Variants in TMCO6 observed in about 807,000 individuals in gnomAD.
TMCO6 encodes the protein transmembrane and coiled-coil domains 6.
In TMCO6, 47 loss-of-function variants were observed where a neutral mutation model predicts 61.8. That is an observed-to-expected ratio of 0.76 (90% CI 0.60 to 0.97). The LOEUF is 0.97. TMCO6 is among the 50% of genes least tolerant of loss of function. The probability of loss-of-function intolerance (pLI) is 0.00; values close to 1 mark genes in which losing one functional copy is unlikely to be tolerated. For missense variants in TMCO6, 557 were observed against 601.6 expected, an observed-to-expected ratio of 0.93 and a Z score of 0.78; for synonymous variants, 261 against 254.2, an observed-to-expected ratio of 1.03 and a Z score of -0.25.
rs1372872015 is a variant in TMCO6 at position 140,643,950 on chromosome 5, C to A, written c.1089C>A (p.Leu363=). 1.2e-6 allele frequency: 2 copies of A among 1,613,990 alleles called. No individual in the cohort carries two copies. The change falls in exon 9 of 12, where the codon CTC becomes CTA. Residue 363 remains leucine (L), a synonymous_variant. Coordinates refer to ENST00000394671, the MANE Select transcript of TMCO6 (RefSeq NM_018502.5). Reference sequence around the variant, plus strand: ...GTCTGCTCCCTGAGGGCCTTTGGCTCCTCAACAACCTCACTGGTACGCACC... The same window carrying A: ...GTCTGCTCCCTGAGGGCCTTTGGCTACTCAACAACCTCACTGGTACGCACC... ...QPSLLPEGLW[L]LNNLTANSPS...
the TMCO6 span, among the ~76,000 whole-genome samples, chr5:140,623,238 A>G: frequency 6.6e-6 from 1 of 152,144 alleles, no homozygotes; most frequent in East Asian, 1.9e-4. Context: ...CATTGTGAAG[A>G]CCCTGTTTCC....
intron 10 of TMCO6, 60 bp downstream of exon 10, chr5:140,644,254 C>A: frequency 6.4e-7 from 1 of 1,552,596 alleles, no homozygotes; most frequent in Non-Finnish European, 8.9e-7. Flanking sequence ...GGACAGCAGT[C>A]CTGAGCCCTC....
the TMCO6 span, among the ~76,000 whole-genome samples, chr5:140,631,131 G>C: frequency 2.0e-5 from 3 of 152,216 alleles, no homozygotes; most frequent in South Asian, 6.2e-4. Flanking sequence ...CTAATTCAGA[G>C]ACCGACTGTA....
the TMCO6 span, among the ~76,000 whole-genome samples, chr5:140,618,946 G>A: frequency 2.7e-3 from 417 of 152,212 alleles, 1 homozygote; most frequent in Middle Eastern, 0.014. Context: ...ACCAAAGGCA[G>A]AGTTCATAAA....
chr5:140,605,220 T>C, the TMCO6 span, among the ~76,000 whole-genome samples: 1 of 152,360 alleles, frequency 6.6e-6, no homozygotes, highest in Non-Finnish European at 1.5e-5. Context: ...TTATCCCCAA[T>C]AGTTTTTTTG....
At chr5:140,640,858 T>C (rs1047516893) in intron 2 of TMCO6, among the ~76,000 whole-genome samples, 5 of 152,248 alleles carry the variant, frequency 3.3e-5, no homozygotes, top group East Asian at 1.9e-4. Context: ...TCAGTGTTTA[T>C]TGAATGAGTG....
At chr5:140,629,914 C>T in the TMCO6 span, among the ~76,000 whole-genome samples, 1 of 122,322 alleles carries the variant, frequency 8.2e-6, no homozygotes, top group Non-Finnish European at 1.7e-5. Context: ...GCCTGGGCAA[C>T]AAGAGTGAAA....
At chr5:140,632,834 C>G in the TMCO6 span, 23 of 1,613,962 alleles carry the variant, frequency 1.4e-5, no homozygotes, top group South Asian at 2.2e-4. This position sits in a 1 kb window ranked among gnomAD's most constrained non-coding sequence, Gnocchi z 6.2. Context: ...CAGACACACA[C>G]TGGAAGGCTT....
upstream of TMCO6, among the ~76,000 whole-genome samples, chr5:140,636,194 C>T (rs184255061): frequency 1.3e-5 from 2 of 152,278 alleles, no homozygotes; most frequent in East Asian, 1.9e-4. Context: ...GACGGGGTTT[C>T]ACCATGTTGG....
At chr5:140,634,634 C>A (rs1756723033), upstream of TMCO6, among the ~76,000 whole-genome samples, 3 of 151,472 alleles carry the variant, frequency 2.0e-5, no homozygotes, top group South Asian at 6.3e-4. Context: ...TACAGGAGCC[C>A]ACCACCATGC....
chr5:140,600,166 TTA>T, the TMCO6 span, among the ~76,000 whole-genome samples: 2 of 152,162 alleles, frequency 1.3e-5, no homozygotes, highest in African/African-American at 4.8e-5. Context: ...TAAGATTATT[TTA>T]TATCTTTCAG....
At chr5:140,604,889 G>T in the TMCO6 span, among the ~76,000 whole-genome samples, 15 of 151,412 alleles carry the variant, frequency 9.9e-5, no homozygotes, top group Non-Finnish European at 1.8e-4. Context: ...AAATCAGTTG[G>T]TTATAGATGT....
At chr5:140,645,844 A>C, downstream of TMCO6, 37 of 1,237,082 alleles carry the variant, frequency 3.0e-5, no homozygotes, top group Non-Finnish European at 4.0e-5. Context: ...AATAGGTCTC[A>C]AACACATCTA....
the TMCO6 span, among the ~76,000 whole-genome samples, chr5:140,615,915 G>A: frequency 6.6e-6 from 1 of 152,140 alleles, no homozygotes; most frequent in African/African-American, 2.4e-5. Flanking sequence ...GATGGATCAC[G>A]AGGTCAGGAT....
At chr5:140,626,669 T>G in the TMCO6 span, among the ~76,000 whole-genome samples, 1 of 152,210 alleles carries the variant, frequency 6.6e-6, no homozygotes, top group African/African-American at 2.4e-5. Context: ...TCTCACTCTG[T>G]GATCTTGGCT....
At chr5:140,613,386 T>TTAAAAAAAAA in the TMCO6 span, among the ~76,000 whole-genome samples, 1 of 87,436 alleles carries the variant, frequency 1.1e-5, no homozygotes, top group African/African-American at 5.2e-5. Context: ...AGACTCTGAC[T>TTAAAAAAAAA]AAAAAAAAAA....
the TMCO6 span, among the ~76,000 whole-genome samples, chr5:140,611,955 T>G: frequency 6.6e-6 from 1 of 152,146 alleles, no homozygotes; most frequent in Non-Finnish European, 1.5e-5. Flanking sequence ...CTCTGAGCAT[T>G]AGAAGAAGTG....
chr5:140,617,500 G>A, the TMCO6 span, among the ~76,000 whole-genome samples: 5 of 152,144 alleles, frequency 3.3e-5, no homozygotes, highest in Admixed American at 6.6e-5. Context: ...GCATTTAGCC[G>A]AGATCGCACC....
At chr5:140,644,345 C>T in intron 10 of TMCO6, 151 bp downstream of exon 10, 1 of 994,944 alleles carries the variant, frequency 1.0e-6, no homozygotes, top group Non-Finnish European at 1.5e-6. Context: ...GTCCCTTAAA[C>T]TGGATTATTT....
Sources: gnomAD v4.1 joint callset for allele counts (sites outside exome capture counted in the v4.1 genomes callset) on GRCh38, gnomAD v4.1.1 for gene constraint, Gnocchi (gnomAD v3.1) non-coding constraint, MANE v1.5 for transcripts, NCBI Gene and HGNC (gene_info 2026-07-23, HGNC 2026-07-21) for gene names.